The following GPHN variants were observed in gnomAD, a reference collection of about 807,000 sequenced individuals.
GPHN encodes gephyrin.
GPHN carries 17 observed loss-of-function variants against 95.5 expected under a neutral mutation model. That is an observed-to-expected ratio of 0.18 (90% confidence interval 0.12 to 0.27). The LOEUF is 0.27. GPHN is among the 10% of genes least tolerant of loss of function. The pLI is 1.00. For missense variants in GPHN, 660 were observed against 978.1 expected, an observed-to-expected ratio of 0.67 and a Z score of 4.34; for synonymous variants, 320 against 322.5, an observed-to-expected ratio of 0.99 and a Z score of 0.08.
chr14:67,706,468 C>A, the GPHN span, among the ~76,000 whole-genome samples: 1 of 151,984 alleles, frequency 6.6e-6, no homozygotes, highest in Non-Finnish European at 1.5e-5. Context: ...TAGGGAGACA[C>A]GGGACATCAA....
At chr14:66,805,325 G>A (rs2060504070) in intron 3 of GPHN, among the ~76,000 whole-genome samples, 1 of 152,112 alleles carries the variant, frequency 6.6e-6, no homozygotes, top group South Asian at 2.1e-4. Flanking sequence ...ACAACATGGG[G>A]GAATTCAAGA....
the GPHN span, among the ~76,000 whole-genome samples, chr14:67,304,729 C>T: frequency 6.6e-6 from 1 of 152,104 alleles, no homozygotes; most frequent in East Asian, 1.9e-4. Flanking sequence ...GATAATTGTA[C>T]AAATCTGTGA....
At chr14:67,064,218 T>C (rs2075945705) in intron 11 of GPHN, among the ~76,000 whole-genome samples, 1 of 152,210 alleles carries the variant, frequency 6.6e-6, no homozygotes, top group South Asian at 2.1e-4. Flanking sequence ...TGGTTTGGTT[T>C]ATGTGATGGA....
intron 5 of GPHN, among the ~76,000 whole-genome samples, chr14:66,893,362 CA>C (rs2064634566): frequency 6.6e-6 from 1 of 152,042 alleles, no homozygotes; most frequent in South Asian, 2.1e-4. Flanking sequence ...TGAGCTGAAG[CA>C]GGGTGAGGCA....
At chr14:67,729,428 G>T in the GPHN span, 5 of 1,560,522 alleles carry the variant, frequency 3.2e-6, no homozygotes, top group Non-Finnish European at 4.4e-6. Flanking sequence ...TGCATGGGAG[G>T]TGCCGGACTC....
chr14:67,231,332 T>A, the GPHN span, among the ~76,000 whole-genome samples: 1 of 152,006 alleles, frequency 6.6e-6, no homozygotes, highest in Admixed American at 6.6e-5. Context: ...ATGTTCTTAT[T>A]TTTTTTTGAG....
At chr14:67,042,049 AT>A (rs1337318242) in intron 10 of GPHN, among the ~76,000 whole-genome samples, 1 of 146,990 alleles carries the variant, frequency 6.8e-6, no homozygotes. Flanking sequence ...TACTTTGCCC[AT>A]TTTTTGATGG....
chr14:67,579,138 G>C, the GPHN span: 1 of 1,603,708 alleles, frequency 6.2e-7, no homozygotes, highest in Non-Finnish European at 8.5e-7. Context: ...TTTTAGAAGT[G>C]AAACTGGCCA....
intron 1 of GPHN, among the ~76,000 whole-genome samples, chr14:66,578,951 G>A (rs868232053): frequency 6.6e-6 from 1 of 151,816 alleles, no homozygotes; most frequent in Admixed American, 6.6e-5. Flanking sequence ...TACAATGGTG[G>A]TGTGTAAATC....
the GPHN span, chr14:67,222,083 A>T: frequency 5.3e-6 from 2 of 377,034 alleles, no homozygotes; most frequent in Non-Finnish European, 9.4e-6. Context: ...AGTTCCCTGT[A>T]TCTAAATCAT....
chr14:66,582,219 TA>T (rs1485068198), intron 1 of GPHN, among the ~76,000 whole-genome samples: 11 of 152,004 alleles, frequency 7.2e-5, no homozygotes, highest in African/African-American at 2.4e-4. Context: ...ATAGAATTCA[TA>T]ACAGAAGGAA....
chr14:67,043,934 C>G (rs1425833764), intron 10 of GPHN, among the ~76,000 whole-genome samples: 1 of 152,138 alleles, frequency 6.6e-6, no homozygotes, highest in African/African-American at 2.4e-5. Context: ...GATTCAACTT[C>G]TTCCTGGCTT....
the GPHN span, among the ~76,000 whole-genome samples, chr14:67,475,778 T>G: frequency 4.6e-5 from 7 of 152,182 alleles, no homozygotes; most frequent in Admixed American, 1.3e-4. Flanking sequence ...CCGGCTCCCA[T>G]GCTGCTTCTC....
At chr14:67,727,244 T>C in the GPHN span, 4 of 1,425,146 alleles carry the variant, frequency 2.8e-6, no homozygotes, top group East Asian at 2.4e-5. Flanking sequence ...AAATTAGAGG[T>C]CCACAGCAAC....
chr14:67,080,131 CATT>C (rs1340794471), intron 11 of GPHN, among the ~76,000 whole-genome samples: 1 of 152,020 alleles, frequency 6.6e-6, no homozygotes, highest in Admixed American at 6.6e-5. Context: ...GTGATGTTCT[CATT>C]GTGATTTTGA....
chr14:66,572,848 A>G (rs2060751508), intron 1 of GPHN, among the ~76,000 whole-genome samples: 1 of 152,214 alleles, frequency 6.6e-6, no homozygotes, highest in Admixed American at 6.5e-5. Flanking sequence ...TCAGAGAAGA[A>G]AAGCTTTCAA....
rs377277446 is a variant in GPHN, at chr14:67,068,949, C to A, written c.1144+10163C>A. Among the ~76,000 whole-genome samples the A allele has an allele frequency of 3.3e-5, 5 of 151,992 alleles. No individual in the cohort carries two copies. In the East Asian group the frequency reaches 7.8e-4, roughly 24 times the overall value. On this transcript the variant is annotated intron_variant, in intron 11 of 22. Transcript: ENST00000478722. The stretch of plus-strand genomic sequence containing the variant: ...GATTCCAAGCAGTAGGAAGTCCTCA[C>A]CAAGGTCATACTGGGAGTTCATTAA...
chr14:66,791,731 G>A (rs1389787095), intron 3 of GPHN, among the ~76,000 whole-genome samples: 1 of 152,146 alleles, frequency 6.6e-6, no homozygotes, highest in Admixed American at 6.5e-5. Flanking sequence ...AGTGGATTTT[G>A]GCTGGCTTCT....
chr14:67,316,984 C>A, the GPHN span: 2 of 1,063,156 alleles, frequency 1.9e-6, no homozygotes, highest in Non-Finnish European at 2.8e-6. Context: ...ATATTAGAAC[C>A]GTGAAGAAGT....
Sources: allele counts gnomAD v4.1 joint callset (sites outside exome capture counted in the v4.1 genomes callset), GRCh38; gene constraint gnomAD v4.1.1; transcripts MANE v1.5; gene names NCBI Gene and HGNC (gene_info 2026-07-23, HGNC 2026-07-21).